The following DISP1 variants were observed in gnomAD, a reference collection of about 807,000 sequenced individuals.
The protein encoded by DISP1 is dispatched RND transporter family member 1.
DISP1 carries 30 observed loss-of-function variants against 37.3 expected under a neutral mutation model. The observed-to-expected ratio is 0.80, with a 90% CI of 0.60 to 1.09. DISP1 has a LOEUF of 1.09. Ranked by LOEUF, DISP1 falls within the 50% of genes least tolerant of loss-of-function variation. The pLI, the probability that DISP1 is intolerant of heterozygous loss-of-function variation, is 0.00. For missense variants in DISP1, 1,598 were observed against 1,879.5 expected, an observed-to-expected ratio of 0.85 and a Z score of 2.77; for synonymous variants, 634 against 690.2, an observed-to-expected ratio of 0.92 and a Z score of 1.28.
chr1:222,872,970 T>C (rs994613544), intron 1 of DISP1, among the ~76,000 whole-genome samples: 1 of 152,224 alleles, frequency 6.6e-6, no homozygotes, highest in African/African-American at 2.4e-5. Context: ...TCTGGTATGT[T>C]GTGTCTTTGT....
chr1:222,966,435 G>T (rs752559281), intron 3 of DISP1, among the ~76,000 whole-genome samples: 1 of 152,056 alleles, frequency 6.6e-6, no homozygotes, highest in Non-Finnish European at 1.5e-5. Context: ...AAAACTTCAA[G>T]AGAAAAAAAT....
At chr1:222,830,683 C>T (rs1320007820) in intron 1 of DISP1, among the ~76,000 whole-genome samples, 1 of 152,172 alleles carries the variant, frequency 6.6e-6, no homozygotes, top group Non-Finnish European at 1.5e-5. Context: ...TGCCTGGCTC[C>T]TTCCACCCTC....
chr1:222,960,686 GT>G (rs910584490), intron 3 of DISP1, among the ~76,000 whole-genome samples: 10 of 150,010 alleles, frequency 6.7e-5, no homozygotes, highest in Non-Finnish European at 1.2e-4. Flanking sequence ...CCAGGAGCTG[GT>G]TTTTTTTTGA....
chr1:222,876,152 A>C (rs1044459294), intron 1 of DISP1, among the ~76,000 whole-genome samples: 1 of 152,204 alleles, frequency 6.6e-6, no homozygotes, highest in Non-Finnish European at 1.5e-5. Flanking sequence ...TGCCACAGAC[A>C]AATGTTTAAT....
chr1:222,966,584 T>A (rs1245191583), intron 3 of DISP1, among the ~76,000 whole-genome samples: 1 of 152,220 alleles, frequency 6.6e-6, no homozygotes, highest in East Asian at 1.9e-4. Flanking sequence ...TCTTTGGCTG[T>A]CTTTAAAAGG....
chr1:223,003,601 T>C lies in DISP1; in HGVS notation c.2204T>C (p.Ile735Thr), dbSNP rs1253154864. The change falls in exon 9 of 9, where the codon ATT becomes ACT. Residue 735 changes from isoleucine to threonine, a missense_variant. Physicochemically the swap from Ile to Thr is moderately conservative, Grantham distance 89. Transcript: ENST00000675850. The surrounding 1 kb of genome is among the most constrained non-coding windows in gnomAD (Gnocchi z 4.3). ...GCCTTAACTGTAGGTGGGGCCTACA[T>C]TGTATGTATAAATCCAAAGATGAAA... The part of the protein sequence containing the change: ...FLALTVGGAY[I>T]VCINPKMKLP... The C allele has an allele frequency of 3.1e-6, 5 of 1,614,108 alleles. No individual in the cohort carries two copies. The highest frequency in any genetic ancestry group is 2.7e-5 in the African/African-American group (2 of 74,946).
At position 222,950,536 on chromosome 1, in the gene DISP1, C is replaced by T. The variant is rs965678789; in HGVS notation, c.509+7204C>T. On this transcript the variant is annotated intron_variant, in intron 3 of 8. Transcript: ENST00000675850. ...AATGGCCTGAACCCGGGAGGCAGAGCTTGCAGTGATCTGAGATCGCACCAC... is the reference window on the plus strand; with the variant it reads ...AATGGCCTGAACCCGGGAGGCAGAGTTTGCAGTGATCTGAGATCGCACCAC... Among the ~76,000 whole-genome samples the T allele has an allele frequency of 2.6e-5, 4 of 151,818 alleles. No individual in the cohort carries two copies. In the South Asian group the frequency reaches 8.3e-4, roughly 32 times the overall value.
intron 3 of DISP1, among the ~76,000 whole-genome samples, chr1:222,946,180 T>C (rs1231383754): frequency 1.4e-5 from 2 of 145,012 alleles, no homozygotes; most frequent in Non-Finnish European, 3.0e-5. Context: ...GAGACCATCC[T>C]AGCTAACACA....
At chr1:222,957,284 T>C (rs1281433165) in intron 3 of DISP1, among the ~76,000 whole-genome samples, 1 of 151,516 alleles carries the variant, frequency 6.6e-6, no homozygotes. Context: ...CAGAGAAAAA[T>C]GTGTTTAAAA....
At chr1:222,852,241 G>GT (rs11390277) in intron 1 of DISP1, among the ~76,000 whole-genome samples, 21,524 of 148,340 alleles carry the variant, frequency 0.15, 1,691 homozygotes, top group East Asian at 0.31. Flanking sequence ...AGCATTTGGG[G>GT]TTTTTTTTTT....
rs1370442656 is a variant in DISP1, at chr1:222,899,250, T to TG, written c.-158-29174dup. Reference sequence around the variant, plus strand: ...CTGTTTGAATTTGGGGGAGGAGTTGTGGGGGGAGCAAGAAAATAGTCTCCG... The same window carrying TG: ...CTGTTTGAATTTGGGGGAGGAGTTGTGGGGGGGAGCAAGAAAATAGTCTCCG... On this transcript the variant is annotated intron_variant, in intron 1 of 8. Coordinates refer to ENST00000675850, the MANE Select transcript of DISP1 (RefSeq NM_001377229.1). Among the ~76,000 whole-genome samples, 6 of 152,190 alleles carry TG rather than the reference T, an allele frequency of 3.9e-5. No homozygotes were observed. In the South Asian group the frequency reaches 1.0e-3, roughly 26 times the overall value.
chr1:222,937,224 G>A (rs761069551), intron 2 of DISP1, among the ~76,000 whole-genome samples: 4 of 150,198 alleles, frequency 2.7e-5, no homozygotes, highest in Admixed American at 1.3e-4. Context: ...TGAGTCGCTC[G>A]GACTACAGGC....
chr1:222,925,207 G>A (rs2609399), intron 1 of DISP1, among the ~76,000 whole-genome samples: 23,694 of 151,970 alleles, frequency 0.16, 1,954 homozygotes, highest in East Asian at 0.31. Context: ...ATACAAATCT[G>A]TAATTTTGAT....
Position 223,005,660 on chromosome 1 carries a change from C to T in DISP1, c.4263C>T (p.Asp1421=), listed in dbSNP as rs558555782. The stretch of plus-strand genomic sequence containing the variant: ...AAAGGGAACTCTGTAAAAATAGAGA[C>T]GTGAGCAATCTGGAGAGCAGTGGAG... ...NKQRELCKNR[D]VSNLESSGGT... Residue 1421 remains aspartate (D), a synonymous_variant, in exon 9 of 9, where the codon GAC becomes GAT. Transcript: ENST00000675850. The T allele has an allele frequency of 6.0e-4, 968 of 1,613,812 alleles. 16 individuals are homozygous for T. The South Asian group carries it at 9.2e-3, about 15-fold the overall frequency.
intron 1 of DISP1, among the ~76,000 whole-genome samples, chr1:222,881,986 G>C (rs1469821160): frequency 6.6e-6 from 1 of 152,114 alleles, no homozygotes; most frequent in African/African-American, 2.4e-5. Flanking sequence ...CAGTTAAGAA[G>C]ACTGGACCAA....
At chr1:222,816,630 A>C (rs1292605250) in intron 1 of DISP1, among the ~76,000 whole-genome samples, 1 of 152,198 alleles carries the variant, frequency 6.6e-6, no homozygotes, top group Non-Finnish European at 1.5e-5. Context: ...CTAGCTTATA[A>C]ATTCTTGATG....
intron 1 of DISP1, among the ~76,000 whole-genome samples, chr1:222,836,622 A>C (rs913161069): frequency 2.6e-5 from 4 of 152,126 alleles, no homozygotes; most frequent in Admixed American, 2.6e-4. Flanking sequence ...TGAGACAGTT[A>C]GAATTAAATA....
chr1:222,815,495 C>T (rs956215149), intron 1 of DISP1, among the ~76,000 whole-genome samples: 1 of 152,102 alleles, frequency 6.6e-6, no homozygotes, highest in Non-Finnish European at 1.5e-5. Flanking sequence ...GGGAGTCAGT[C>T]CTTCTCTGAG....
intron 3 of DISP1, among the ~76,000 whole-genome samples, chr1:222,970,356 G>A (rs1400532071): frequency 6.6e-6 from 1 of 151,918 alleles, no homozygotes; most frequent in East Asian, 1.9e-4. Context: ...CATTTATCTA[G>A]TCATTTAAAA....
Sources: gnomAD v4.1 joint callset for allele counts (sites outside exome capture counted in the v4.1 genomes callset) on GRCh38, gnomAD v4.1.1 for gene constraint, Gnocchi (gnomAD v3.1) non-coding constraint, MANE v1.5 for transcripts, NCBI Gene and HGNC (gene_info 2026-07-23, HGNC 2026-07-21) for gene names.